Variants in DLGAP1 observed in about 807,000 individuals in gnomAD.
DLGAP1 encodes disks large-associated protein 1.
DLGAP1 carries 11 observed loss-of-function variants against 90.8 expected under a neutral mutation model. The observed-to-expected ratio is 0.12, with a 90% CI of 0.08 to 0.20. The LOEUF (loss-of-function observed/expected upper bound fraction) is 0.20. Among genes scored for constraint, DLGAP1 ranks in the 10% least tolerant of loss-of-function variants. The probability of loss-of-function intolerance (pLI) is 1.00; values close to 1 mark genes in which losing one functional copy is unlikely to be tolerated. For synonymous variants in DLGAP1, 558 were observed against 540.7 expected, an observed-to-expected ratio of 1.03 and a Z score of -0.44; for missense variants, 1,050 against 1,333.8, an observed-to-expected ratio of 0.79 and a Z score of 3.31.
At chr18:3,960,141 A>AGGACTGGTTGAAGAC (rs2073168553) in intron 3 of DLGAP1, among the ~76,000 whole-genome samples, 1 of 152,214 alleles carries the variant, frequency 6.6e-6, no homozygotes, top group Non-Finnish European at 1.5e-5. Flanking sequence ...CTTCACTTGA[A>AGGACTGGTTGAAGAC]TTGTAACCAC....
intron 4 of DLGAP1, among the ~76,000 whole-genome samples, chr18:3,839,317 G>C (rs1020295468): frequency 1.3e-5 from 2 of 152,138 alleles, no homozygotes; most frequent in African/African-American, 4.8e-5. Flanking sequence ...TTTGTCTCTA[G>C]GGGGTCTACT....
chr18:3,580,812 C>T (rs1404905552), intron 8 of DLGAP1: 4 of 1,550,320 alleles, frequency 2.6e-6, no homozygotes, highest in Non-Finnish European at 2.7e-6. Context: ...CGTCTTCCAC[C>T]TGCCGTGCGG....
At position 4,368,636 on chromosome 18, in the gene DLGAP1, TACACACACACACACACACACACACACAC is replaced by T. The variant is rs55840615; in HGVS notation, c.-267+86342_-267+86369del. Among the ~76,000 whole-genome samples, 131 of 135,030 alleles carry T rather than the reference TACACACACACACACACACACACACACAC, an allele frequency of 9.7e-4. No homozygotes were observed. In the Middle Eastern group the frequency reaches 0.018, roughly 19 times the overall value. The allele number at this position is 135,030 out of a possible 152,430, so 88.6% of individuals were successfully genotyped here. ...TTAAAATCTCTCTCTCTCTCTCTCA[TACACACACACACACACACACACACACAC>T]ACACACACACACACACACATCCTAT... On this transcript the variant is annotated intron_variant, in intron 1 of 12. Coordinates refer to ENST00000315677, the MANE Select transcript of DLGAP1 (RefSeq NM_004746.4).
chr18:4,032,656 C>G (rs1220876518), intron 2 of DLGAP1, among the ~76,000 whole-genome samples: 1 of 152,154 alleles, frequency 6.6e-6, no homozygotes, highest in Non-Finnish European at 1.5e-5. Flanking sequence ...ATGATCATGT[C>G]ACATCGTTTG....
chr18:3,858,589 T>C (rs1418772009), intron 4 of DLGAP1, among the ~76,000 whole-genome samples: 2 of 151,936 alleles, frequency 1.3e-5, no homozygotes, highest in Non-Finnish European at 2.9e-5. Flanking sequence ...GCAAGATGTA[T>C]GCATTTACAT....
chr18:3,703,662 T>G (rs1171030481), intron 7 of DLGAP1, among the ~76,000 whole-genome samples: 2 of 152,248 alleles, frequency 1.3e-5, no homozygotes, highest in African/African-American at 4.8e-5. Context: ...CGTTCTTTTT[T>G]GTTTTTTGTT....
intron 4 of DLGAP1, among the ~76,000 whole-genome samples, chr18:3,831,920 GAT>G (rs777332862): frequency 7.9e-4 from 120 of 152,308 alleles, no homozygotes; most frequent in African/African-American, 2.8e-3. Flanking sequence ...CCTGTGCCAG[GAT>G]ATGTTTCATT....
chr18:3,577,897 T>C (rs1401568797), intron 8 of DLGAP1, among the ~76,000 whole-genome samples: 1 of 152,202 alleles, frequency 6.6e-6, no homozygotes, highest in Non-Finnish European at 1.5e-5. Context: ...TCCAAAAAAA[T>C]AATAATTGAG....
chr18:4,314,589 T>C (rs1424777046), intron 1 of DLGAP1, among the ~76,000 whole-genome samples: 1 of 152,206 alleles, frequency 6.6e-6, no homozygotes, highest in South Asian at 2.1e-4. Flanking sequence ...CATGTATCTC[T>C]CTAAAATATG....
chr18:3,520,876 C>T (rs2051142086), intron 10 of DLGAP1, among the ~76,000 whole-genome samples: 1 of 152,222 alleles, frequency 6.6e-6, no homozygotes, highest in Non-Finnish European at 1.5e-5. Context: ...CTGCCTCCAC[C>T]CTCTTCACCT....
intron 7 of DLGAP1, among the ~76,000 whole-genome samples, chr18:3,704,063 A>G (rs2061362491): frequency 6.6e-6 from 1 of 152,246 alleles, no homozygotes; most frequent in Non-Finnish European, 1.5e-5. Context: ...ATGTAAAAAC[A>G]AGACAGCAGT....
intron 1 of DLGAP1, among the ~76,000 whole-genome samples, chr18:4,349,311 C>A (rs999360408): frequency 1.2e-4 from 19 of 152,132 alleles, no homozygotes; most frequent in African/African-American, 4.1e-4. Flanking sequence ...GGCCAGCACT[C>A]TTCAAAGTTG....
intron 1 of DLGAP1, among the ~76,000 whole-genome samples, chr18:4,170,980 T>G (rs1299423437): frequency 6.6e-6 from 1 of 152,132 alleles, no homozygotes; most frequent in Non-Finnish European, 1.5e-5. Context: ...TATCAGAATT[T>G]TAAGGCTTAA....
chr18:3,693,751 A>C (rs1861805), intron 7 of DLGAP1, among the ~76,000 whole-genome samples: 37,681 of 152,166 alleles, frequency 0.25, 5,522 homozygotes, highest in African/African-American at 0.39. Context: ...CTGTTTATTG[A>C]AAAGGACAAA....
At chr18:4,294,029 G>A (rs930726409) in intron 1 of DLGAP1, 1 of 152,144 alleles carries the variant, frequency 6.6e-6, no homozygotes, top group Non-Finnish European at 1.5e-5. Context: ...TGAACAGAAA[G>A]TTGGGGTATC....
chr18:4,181,761 T>C (rs190460454), intron 1 of DLGAP1, among the ~76,000 whole-genome samples: 422 of 152,248 alleles, frequency 2.8e-3, no homozygotes, highest in African/African-American at 9.9e-3. Context: ...TATTTATGTA[T>C]GGTACTCATC....
intron 2 of DLGAP1, among the ~76,000 whole-genome samples, chr18:4,096,961 A>T (rs1013097582): frequency 6.6e-6 from 1 of 152,234 alleles, no homozygotes; most frequent in Non-Finnish European, 1.5e-5. Context: ...GCACAAAGTA[A>T]ACATTGTGTA....
intron 7 of DLGAP1, chr18:3,679,877 G>T (rs2060449896): frequency 1.3e-5 from 2 of 148,540 alleles, no homozygotes; most frequent in Admixed American, 1.4e-4. Flanking sequence ...ATAGAGATGG[G>T]TTCTTGCTAT....
intron 7 of DLGAP1, among the ~76,000 whole-genome samples, chr18:3,643,859 C>G (rs2059027887): frequency 6.6e-6 from 1 of 152,102 alleles, no homozygotes; most frequent in Non-Finnish European, 1.5e-5. Context: ...TGGTGGCACT[C>G]CTAGTGGTGT....
Sources: gnomAD v4.1 joint callset for allele counts (sites outside exome capture counted in the v4.1 genomes callset) on GRCh38, gnomAD v4.1.1 for gene constraint, MANE v1.5 for transcripts, NCBI Gene and HGNC (gene_info 2026-07-23, HGNC 2026-07-21) for gene names.